Variants in CMTM8 observed in about 807,000 individuals in gnomAD.
The protein encoded by CMTM8 is CKLF like MARVEL transmembrane domain containing 8, also known as CKLF-like MARVEL transmembrane domain-containing protein 8.
Under a neutral mutation model 18.6 loss-of-function variants are expected in CMTM8, and 12 were observed. The ratio of observed to expected loss-of-function variants is 0.65; its 90% CI spans 0.41 to 1.05. CMTM8 has a LOEUF of 1.05. Among genes scored for constraint, CMTM8 ranks in the 50% least tolerant of loss-of-function variants. The probability of loss-of-function intolerance (pLI) is 0.00; values close to 1 mark genes in which losing one functional copy is unlikely to be tolerated. For synonymous variants in CMTM8, 87 were observed against 90.6 expected (o/e 0.96, Z 0.23); for missense variants, 217 against 227.2 (o/e 0.95, Z 0.29).
At chr3:32,254,276 T>G (rs952984265) in intron 1 of CMTM8, among the ~76,000 whole-genome samples, 2 of 152,246 alleles carry the variant, frequency 1.3e-5, no homozygotes, top group Non-Finnish European at 2.9e-5. Flanking sequence ...TGGCATTTAC[T>G]ACATTTACAA....
intron 1 of CMTM8, among the ~76,000 whole-genome samples, chr3:32,270,830 T>A (rs1398769668): frequency 6.6e-6 from 1 of 152,118 alleles, no homozygotes; most frequent in Non-Finnish European, 1.5e-5. Context: ...GTAACTAACC[T>A]GCACGTTGTG....
chr3:32,276,204 A>T (rs1702515709), intron 1 of CMTM8, among the ~76,000 whole-genome samples: 1 of 151,820 alleles, frequency 6.6e-6, no homozygotes, highest in African/African-American at 2.4e-5. Flanking sequence ...CTCCTCTCCA[A>T]ATCCTTCTCC....
At chr3:32,309,240 C>T (rs1695772736) in intron 1 of CMTM8, among the ~76,000 whole-genome samples, 1 of 150,692 alleles carries the variant, frequency 6.6e-6, no homozygotes, top group African/African-American at 2.4e-5. Flanking sequence ...GGAAGACCAG[C>T]TGATTTGGGT....
At chr3:32,265,389 T>C (rs1175405664) in intron 1 of CMTM8, among the ~76,000 whole-genome samples, 4 of 152,168 alleles carry the variant, frequency 2.6e-5, no homozygotes, top group Non-Finnish European at 5.9e-5. Flanking sequence ...GAAATAAAGA[T>C]ATTCTTTGAA....
intron 1 of CMTM8, among the ~76,000 whole-genome samples, chr3:32,330,325 G>A (rs1696248203): frequency 6.6e-6 from 1 of 151,142 alleles, no homozygotes; most frequent in Non-Finnish European, 1.5e-5. Context: ...CATGCTTCCT[G>A]ATTTTAAAAG....
intron 2 of CMTM8, among the ~76,000 whole-genome samples, chr3:32,359,660 G>A (rs1696884564): frequency 6.6e-6 from 1 of 152,192 alleles, no homozygotes; most frequent in South Asian, 2.1e-4. Flanking sequence ...GACCTCTTGT[G>A]TTGATCATAT....
intron 1 of CMTM8, among the ~76,000 whole-genome samples, chr3:32,255,016 GTCT>G (rs2125533875): frequency 6.6e-6 from 1 of 152,114 alleles, no homozygotes; most frequent in Non-Finnish European, 1.5e-5. Flanking sequence ...ATAATATATG[GTCT>G]TCTTTGACTT....
At chr3:32,247,270 A>G (rs1015227343) in intron 1 of CMTM8, among the ~76,000 whole-genome samples, 2 of 152,126 alleles carry the variant, frequency 1.3e-5, no homozygotes, top group Non-Finnish European at 2.9e-5. Flanking sequence ...AGGGGTTTTT[A>G]GGATATTCAC....
At position 32,334,084 on chromosome 3, in the gene CMTM8, T is replaced by C. The variant is rs527639229; in HGVS notation, c.148-23289T>C. Among the ~76,000 whole-genome samples the C allele has an allele frequency of 5.8e-4, 88 of 151,948 alleles. No individual in the cohort carries two copies. The South Asian group carries it at 0.018, about 31-fold the overall frequency. Reference sequence around the variant, plus strand: ...CCTCCACCTCCCAGGTTCTAAGCGATTCTCCTGCCTAAGCCTCCGGAGTAG... The same window carrying C: ...CCTCCACCTCCCAGGTTCTAAGCGACTCTCCTGCCTAAGCCTCCGGAGTAG... On this transcript the variant is annotated intron_variant, in intron 1 of 3. Transcript: ENST00000307526.
intron 2 of CMTM8, among the ~76,000 whole-genome samples, chr3:32,362,416 A>G (rs1317104278): frequency 1.3e-5 from 2 of 152,122 alleles, no homozygotes; most frequent in Non-Finnish European, 2.9e-5. Flanking sequence ...ACATCATTTC[A>G]TTTAATCCTT....
At chr3:32,286,748 A>G (rs1447105933) in intron 1 of CMTM8, among the ~76,000 whole-genome samples, 1 of 152,160 alleles carries the variant, frequency 6.6e-6, no homozygotes, top group Non-Finnish European at 1.5e-5. Context: ...CACTAACACT[A>G]ACGGTAGCTG....
At chr3:32,296,152 A>T (rs1047798524) in intron 1 of CMTM8, among the ~76,000 whole-genome samples, 4 of 151,134 alleles carry the variant, frequency 2.6e-5, no homozygotes, top group Non-Finnish European at 5.9e-5. Context: ...ATTTTTTTTT[A>T]AATAAAGATG....
intron 1 of CMTM8, among the ~76,000 whole-genome samples, chr3:32,271,830 A>G (rs1402676697): frequency 6.6e-6 from 1 of 152,160 alleles, no homozygotes; most frequent in Non-Finnish European, 1.5e-5. Flanking sequence ...CCTGCTCCTA[A>G]ACAAATACAA....
chr3:32,327,894 G>A (rs1696193234), intron 1 of CMTM8, among the ~76,000 whole-genome samples: 1 of 152,152 alleles, frequency 6.6e-6, no homozygotes, highest in African/African-American at 2.4e-5. Flanking sequence ...ATGCTATAAG[G>A]GTATGTGATT....
In CMTM8 at chr3:32,279,971, T is replaced by C. The variant is rs1282421405; in HGVS notation, c.147+40852T>C. On this transcript the variant is annotated intron_variant, in intron 1 of 3. Coordinates refer to ENST00000307526, the MANE Select transcript of CMTM8 (RefSeq NM_178868.5). ...TTCATGTGTTTTTTGGCTGCATAAA[T>C]GTCTTCTTTTGAGAAGTGTCTGTTA... is the stretch of plus-strand genomic sequence containing the variant. 2.0e-5 allele frequency among the ~76,000 whole-genome samples: 3 copies of C among 152,176 alleles called. No homozygotes were observed. In the East Asian group the frequency reaches 5.8e-4, roughly 29 times the overall value.
intron 1 of CMTM8, among the ~76,000 whole-genome samples, chr3:32,317,015 G>A (rs768597793): frequency 6.6e-6 from 1 of 152,152 alleles, no homozygotes; most frequent in Non-Finnish European, 1.5e-5. Flanking sequence ...GAAGTGTCTT[G>A]GGATCTAAAT....
At chr3:32,275,073 G>A (rs1056514750) in intron 1 of CMTM8, among the ~76,000 whole-genome samples, 2 of 152,096 alleles carry the variant, frequency 1.3e-5, no homozygotes, top group Non-Finnish European at 2.9e-5. Flanking sequence ...GTGCAATCAT[G>A]GCTCACTGCA....
intron 1 of CMTM8, among the ~76,000 whole-genome samples, chr3:32,263,498 G>GA (rs1559364542): frequency 6.6e-6 from 1 of 152,020 alleles, no homozygotes; most frequent in Admixed American, 6.6e-5. Context: ...CAAAGATGGG[G>GA]AAAAAAACGA....
intron 1 of CMTM8, among the ~76,000 whole-genome samples, chr3:32,280,846 CAAAAAAAAAAA>C (rs60845487): frequency 4.4e-5 from 3 of 68,172 alleles, no homozygotes; most frequent in Non-Finnish European, 7.9e-5. Flanking sequence ...AGAAAATAGG[CAAAAAAAAAAA>C]AAAAAAAAAA....
Sources: allele counts gnomAD v4.1 joint callset (sites outside exome capture counted in the v4.1 genomes callset), GRCh38; gene constraint gnomAD v4.1.1; transcripts MANE v1.5; gene names NCBI Gene and HGNC (gene_info 2026-07-23, HGNC 2026-07-21).